CSNK2A2: variants seen among roughly 807,000 people sequenced by gnomAD.
CSNK2A2 encodes the protein casein kinase 2 alpha 2.
CSNK2A2 carries 8 observed loss-of-function variants against 54.0 expected under a neutral mutation model. That is an observed-to-expected ratio of 0.15 (90% CI 0.09 to 0.27). The LOEUF (loss-of-function observed/expected upper bound fraction) is 0.27. Among genes scored for constraint, CSNK2A2 ranks in the 10% least tolerant of loss-of-function variants. The pLI, the probability that CSNK2A2 is intolerant of heterozygous loss-of-function variation, is 1.00. For missense variants in CSNK2A2, 242 were observed against 439.4 expected (o/e 0.55, Z 4.02); for synonymous variants, 141 against 153.9 (o/e 0.92, Z 0.62).
intron 6 of CSNK2A2, 144 bp downstream of exon 6, chr16:58,168,466 C>G: frequency 1.6e-6 from 1 of 607,740 alleles, no homozygotes; most frequent in East Asian, 2.8e-5. Context: ...TAGAAATCAA[C>G]AATGGAGATG....
intron 5 of CSNK2A2, among the ~76,000 whole-genome samples, chr16:58,169,531 G>C (rs563369768): frequency 1.3e-5 from 2 of 151,510 alleles, no homozygotes; most frequent in East Asian, 2.0e-4. Flanking sequence ...CAGTGGGGAG[G>C]GGGGTGTGTG....
At chr16:58,187,929 A>T (rs1962231923) in intron 2 of CSNK2A2, among the ~76,000 whole-genome samples, 1 of 152,234 alleles carries the variant, frequency 6.6e-6, no homozygotes, top group Admixed American at 6.5e-5. Context: ...GTAACTAAGG[A>T]AAAAAGAGTA....
Position 58,197,464 on chromosome 16 carries a change from G to A in CSNK2A2, c.104+169C>T, listed in dbSNP as rs1392870275. Among the ~76,000 whole-genome samples the A allele has an allele frequency of 2.0e-5, 3 of 152,180 alleles. No individual in the cohort carries two copies. Among genetic ancestry groups the A allele is most frequent in the Non-Finnish European group, 4.4e-5 (3 of 68,022 alleles). ...GAGAAAGGGACGAAACGGGGGTAAA[G>A]GGGAGGGAAGAGGAAGACGAGGACA... On this transcript the variant is annotated intron_variant, in intron 1 of 11. Transcript: ENST00000262506. This position sits in a 1 kb window ranked among gnomAD's most constrained non-coding sequence, Gnocchi z 4.0.
Position 58,197,360 on chromosome 16 carries a change from C to G in CSNK2A2, c.104+273G>C, listed in dbSNP as rs1233551844. Reference sequence around the variant, plus strand: ...AGGAAGGGCAGCTCCCTCACTTCCACCCGGCGTCGATCCCTGGACCCCACA... The same window carrying G: ...AGGAAGGGCAGCTCCCTCACTTCCAGCCGGCGTCGATCCCTGGACCCCACA... On this transcript the variant is annotated intron_variant, in intron 1 of 11. Coordinates refer to ENST00000262506, the MANE Select transcript of CSNK2A2 (RefSeq NM_001896.4). This position sits in a 1 kb window ranked among gnomAD's most constrained non-coding sequence, Gnocchi z 4.0. Among the ~76,000 whole-genome samples the G allele has an allele frequency of 6.6e-6, 1 of 152,258 alleles. No homozygotes were observed. The highest frequency in any genetic ancestry group is 1.5e-5 in the Non-Finnish European group (1 of 68,046).
intron 4 of CSNK2A2, 56 bp from the exon 5 acceptor site, chr16:58,174,566 C>T: frequency 7.0e-7 from 1 of 1,421,320 alleles, no homozygotes. Context: ...ATCTTGTCAT[C>T]CTAAGTGCAG....
chr16:58,167,427 T>C (rs1961598389), intron 7 of CSNK2A2, 119 bp from the exon 8 acceptor site: 1 of 700,966 alleles, frequency 1.4e-6, no homozygotes. Context: ...GATAATTTAT[T>C]TAAAAAAAAT....
At chr16:58,171,969 A>ATT (rs1961750435) in intron 5 of CSNK2A2, among the ~76,000 whole-genome samples, 1 of 28,350 alleles carries the variant, frequency 3.5e-5, no homozygotes. Flanking sequence ...ATATATATAT[A>ATT]TATATATATA....
intron 4 of CSNK2A2, among the ~76,000 whole-genome samples, chr16:58,175,213 C>T (rs1372539767): frequency 3.3e-5 from 5 of 152,192 alleles, no homozygotes; most frequent in African/African-American, 1.2e-4. Context: ...AATCCAGAGA[C>T]CCACTCGCTG....
chr16:58,168,205 T>C (rs1961624214), intron 6 of CSNK2A2, among the ~76,000 whole-genome samples: 1 of 152,080 alleles, frequency 6.6e-6, no homozygotes, highest in Non-Finnish European at 1.5e-5. Flanking sequence ...GATTTATTCG[T>C]CTAATACTAG....
chr16:58,166,804 A>C (rs1031957623), intron 8 of CSNK2A2, 120 bp from the exon 9 acceptor site: 2 of 702,330 alleles, frequency 2.8e-6, no homozygotes, highest in African/African-American at 3.5e-5. Context: ...AACGAGATAC[A>C]AACCCAGGTC....
At chr16:58,171,713 T>TAC (rs1961740692) in intron 5 of CSNK2A2, among the ~76,000 whole-genome samples, 5 of 151,798 alleles carry the variant, frequency 3.3e-5, no homozygotes, top group African/African-American at 1.2e-4. Context: ...CACTCTATAA[T>TAC]ACGGTAGCCA....
Position 58,184,266 on chromosome 16 carries a change from A to G in CSNK2A2, c.363T>C (p.Asp121=). Residue 121 remains aspartate (D), a synonymous_variant, in exon 4 of 12, where the codon GAT becomes GAC. Coordinates refer to ENST00000262506, the MANE Select transcript of CSNK2A2 (RefSeq NM_001896.4). ...ALVFEYINNT[D]FKQLYQILTD... ...GAAAGAAAAGCATACGCACCTTAAA[A>G]TCTGTATTATTGATATATTCAAATA... 1 of 1,602,288 alleles carries G rather than the reference A, an allele frequency of 6.2e-7. No individual in the cohort carries two copies. The highest frequency in any genetic ancestry group is 1.3e-5 in the African/African-American group (1 of 74,598).
chr16:58,162,936 C>T (rs1961427603), intron 11 of CSNK2A2: 1 of 152,208 alleles, frequency 6.6e-6, no homozygotes, highest in South Asian at 2.1e-4. Flanking sequence ...CTAGTACCTG[C>T]ATGCAAGACA....
chr16:58,180,244 T>C (rs1267958115), intron 4 of CSNK2A2, among the ~76,000 whole-genome samples: 1 of 151,622 alleles, frequency 6.6e-6, no homozygotes, highest in Non-Finnish European at 1.5e-5. Flanking sequence ...AACTGAGCAA[T>C]AAAACCAAAA....
intron 4 of CSNK2A2, among the ~76,000 whole-genome samples, chr16:58,179,622 T>C (rs186980501): frequency 3.9e-5 from 6 of 152,278 alleles, no homozygotes; most frequent in Non-Finnish European, 7.3e-5. Context: ...TGCTACTCCT[T>C]CCAATTTTCC....
intron 6 of CSNK2A2, 90 bp downstream of exon 6, chr16:58,168,520 G>T: frequency 9.6e-7 from 1 of 1,041,724 alleles, no homozygotes; most frequent in Non-Finnish European, 1.4e-6. Context: ...ACCCACCACG[G>T]GTCTACAGAA....
intron 5 of CSNK2A2, among the ~76,000 whole-genome samples, chr16:58,173,217 T>C (rs1961786086): frequency 6.6e-6 from 1 of 152,230 alleles, no homozygotes; most frequent in Non-Finnish European, 1.5e-5. Flanking sequence ...TCGACCTTTT[T>C]CGTGTTTCTG....
intron 5 of CSNK2A2, among the ~76,000 whole-genome samples, chr16:58,171,529 T>C (rs28584870): frequency 6.6e-6 from 1 of 151,854 alleles, no homozygotes; most frequent in Admixed American, 6.6e-5. Context: ...AGAATGCTTG[T>C]TATTTGAAGA....
Position 58,197,575 on chromosome 16 carries a change from G to A in CSNK2A2, c.104+58C>T, listed in dbSNP as rs969665804. On this transcript the variant is annotated intron_variant, in intron 1 of 11. Coordinates refer to ENST00000262506, the MANE Select transcript of CSNK2A2 (RefSeq NM_001896.4). This position sits in a 1 kb window ranked among gnomAD's most constrained non-coding sequence, Gnocchi z 4.0. ...ACCGGGCCCGAGTGCGGTTCGCAGG[G>A]GGTGGCCGGGCGGGGGCAGGGATCA... 6.3e-6 allele frequency: 8 copies of A among 1,263,624 alleles called. No individual in the cohort carries two copies. Among genetic ancestry groups the A allele is most frequent in the South Asian group, 1.4e-5 (1 of 73,462 alleles). The allele number at this position is 1,263,624 out of a possible 1,614,324, so 78.3% of individuals were successfully genotyped here.
Sources: allele counts gnomAD v4.1 joint callset (sites outside exome capture counted in the v4.1 genomes callset), GRCh38; gene constraint gnomAD v4.1.1; non-coding constraint Gnocchi (gnomAD v3.1); transcripts MANE v1.5; gene names NCBI Gene and HGNC (gene_info 2026-07-23, HGNC 2026-07-21).